Variants in DPP10 observed in about 807,000 individuals in gnomAD.
The protein encoded by DPP10 is inactive dipeptidyl peptidase 10.
Under a neutral mutation model 120.9 loss-of-function variants are expected in DPP10, and 33 were observed. The ratio of observed to expected loss-of-function variants is 0.27; its 90% CI spans 0.21 to 0.37. DPP10 has a LOEUF of 0.37. DPP10 is among the 10% of genes least tolerant of loss of function. The pLI, the probability that DPP10 is intolerant of heterozygous loss-of-function variation, is 1.00. For synonymous variants in DPP10, 337 were observed against 326.1 expected (o/e 1.03, Z -0.36); for missense variants, 816 against 942.8 (o/e 0.87, Z 1.76).
intron 5 of DPP10, among the ~76,000 whole-genome samples, chr2:115,638,964 C>G (rs1307090822): frequency 1.3e-5 from 2 of 152,152 alleles, no homozygotes; most frequent in East Asian, 1.9e-4. Context: ...CAAGCATGCT[C>G]TACTGCCAAA....
intron 5 of DPP10, among the ~76,000 whole-genome samples, chr2:115,666,663 G>A (rs2089479302): frequency 6.6e-6 from 1 of 152,090 alleles, no homozygotes; most frequent in South Asian, 2.1e-4. Context: ...TCCTGATGAT[G>A]GGCATTTAGG....
At chr2:114,933,274 T>C (rs1696214288) in intron 1 of DPP10, among the ~76,000 whole-genome samples, 1 of 152,222 alleles carries the variant, frequency 6.6e-6, no homozygotes, top group African/African-American at 2.4e-5. Context: ...CATCATTTTC[T>C]TAAGGCATTG....
intron 5 of DPP10, among the ~76,000 whole-genome samples, chr2:115,565,976 G>C (rs11900372): frequency 6.6e-6 from 1 of 151,774 alleles, no homozygotes; most frequent in Non-Finnish European, 1.5e-5. Context: ...TGGTAGAGAC[G>C]GGGTTTCACC....
chr2:114,851,985 C>T (rs554174220), intron 1 of DPP10, among the ~76,000 whole-genome samples: 1 of 151,866 alleles, frequency 6.6e-6, no homozygotes, highest in South Asian at 2.1e-4. Context: ...GCTGTTGAGG[C>T]CTATAGGGTA....
chr2:114,618,071 T>A (rs1025212338), intron 1 of DPP10, among the ~76,000 whole-genome samples: 8 of 152,090 alleles, frequency 5.3e-5, no homozygotes, highest in African/African-American at 1.9e-4. Flanking sequence ...TTTTTAGGTC[T>A]CCATGATGGG....
At chr2:115,692,083 A>C (rs1236910051) in intron 7 of DPP10, among the ~76,000 whole-genome samples, 1 of 151,960 alleles carries the variant, frequency 6.6e-6, no homozygotes, top group African/African-American at 2.4e-5. Context: ...TATAATTTCT[A>C]TGTCGTTAAA....
intron 8 of DPP10, among the ~76,000 whole-genome samples, chr2:115,731,609 G>A (rs556736919): frequency 2.0e-5 from 3 of 152,280 alleles, no homozygotes; most frequent in South Asian, 4.1e-4. Context: ...GAGTGGGAGA[G>A]CCAACATTTG....
At chr2:115,506,031 A>G (rs2076923450) in intron 4 of DPP10, among the ~76,000 whole-genome samples, 1 of 151,976 alleles carries the variant, frequency 6.6e-6, no homozygotes, top group Admixed American at 6.6e-5. Flanking sequence ...TTATTACTTT[A>G]TGATGGAACT....
intron 1 of DPP10, among the ~76,000 whole-genome samples, chr2:115,054,376 A>G (rs1705730621): frequency 6.6e-6 from 1 of 152,146 alleles, no homozygotes; most frequent in Admixed American, 6.5e-5. Context: ...TTTTAAGCAT[A>G]TATCTGTTAA....
At chr2:115,313,286 A>G (rs1404560147) in intron 2 of DPP10, among the ~76,000 whole-genome samples, 1 of 152,170 alleles carries the variant, frequency 6.6e-6, no homozygotes, top group Non-Finnish European at 1.5e-5. Flanking sequence ...ACCCTGGGCT[A>G]GTCACTAACT....
At chr2:114,456,566 A>G (rs1678597910) in intron 1 of DPP10, among the ~76,000 whole-genome samples, 1 of 152,250 alleles carries the variant, frequency 6.6e-6, no homozygotes, top group African/African-American at 2.4e-5. Flanking sequence ...CATACTTATT[A>G]TCAACAGGAT....
intron 1 of DPP10, among the ~76,000 whole-genome samples, chr2:115,260,678 C>G (rs1264884543): frequency 6.6e-6 from 1 of 152,124 alleles, no homozygotes; most frequent in African/African-American, 2.4e-5. Context: ...ATTAAAATGG[C>G]AAAAGCAAAG....
chr2:115,425,058 G>A (rs1454259858), intron 3 of DPP10, among the ~76,000 whole-genome samples: 2 of 152,128 alleles, frequency 1.3e-5, no homozygotes, highest in East Asian at 1.9e-4. Flanking sequence ...AGCTTTCTGT[G>A]GAATTAATCA....
intron 1 of DPP10, among the ~76,000 whole-genome samples, chr2:114,942,993 G>T (rs1697074358): frequency 6.6e-6 from 1 of 152,006 alleles, no homozygotes; most frequent in Non-Finnish European, 1.5e-5. Flanking sequence ...GTGGTTTGCT[G>T]CACCCATCAA....
chr2:115,534,253 C>T (rs894448969), intron 5 of DPP10, among the ~76,000 whole-genome samples: 1 of 152,072 alleles, frequency 6.6e-6, no homozygotes, highest in African/African-American at 2.4e-5. Context: ...AATGCTATCC[C>T]TCCCCACTCC....
chr2:115,285,290 T>C (rs2060319828), intron 1 of DPP10, among the ~76,000 whole-genome samples: 2 of 152,042 alleles, frequency 1.3e-5, no homozygotes, highest in Admixed American at 6.6e-5. Context: ...GAATTAACAC[T>C]TGCTATTTCA....
intron 1 of DPP10, among the ~76,000 whole-genome samples, chr2:114,721,554 CCTG>C (rs1406663660): frequency 6.6e-6 from 1 of 152,178 alleles, no homozygotes; most frequent in African/African-American, 2.4e-5. Context: ...TTCTTCTTGA[CCTG>C]CTTCTCTTCA....
intron 1 of DPP10, among the ~76,000 whole-genome samples, chr2:114,455,731 T>TG (rs1553443891): frequency 6.7e-6 from 1 of 148,350 alleles, no homozygotes; most frequent in Non-Finnish European, 1.5e-5. Context: ...ATTCATTTGT[T>TG]TTTTTTTTTT....
At chr2:115,233,458 G>GTC (rs1249891975) in intron 1 of DPP10, among the ~76,000 whole-genome samples, 1 of 152,094 alleles carries the variant, frequency 6.6e-6, no homozygotes, top group Non-Finnish European at 1.5e-5. Flanking sequence ...CTCCCTTCCA[G>GTC]TCTTTCCCTG....
Sources: gnomAD v4.1 joint callset for allele counts (sites outside exome capture counted in the v4.1 genomes callset) on GRCh38, gnomAD v4.1.1 for gene constraint, MANE v1.5 for transcripts, NCBI Gene and HGNC (gene_info 2026-07-23, HGNC 2026-07-21) for gene names.